Variants in MACF1 observed in about 807,000 individuals in gnomAD.
MACF1 encodes the protein microtubule actin crosslinking factor 1.
A neutral mutation model predicts 854.8 loss-of-function variants in MACF1; 193 were observed. The observed-to-expected ratio is 0.23, with a 90% confidence interval of 0.20 to 0.25. MACF1 has a LOEUF of 0.25. Among genes scored for constraint, MACF1 ranks in the 10% least tolerant of loss-of-function variants. MACF1 has a pLI of 1.00. For missense variants in MACF1, 7,722 were observed against 8,929.1 expected, an observed-to-expected ratio of 0.86 and a Z score of 5.45; for synonymous variants, 3,185 against 3,226.7, an observed-to-expected ratio of 0.99 and a Z score of 0.44.
chr1:39,449,696 C>CTTTTT (rs751635614), intron 84 of MACF1, among the ~76,000 whole-genome samples: 13 of 86,444 alleles, frequency 1.5e-4, no homozygotes, highest in African/African-American at 4.9e-4. Context: ...CCGCGCCTGG[C>CTTTTT]ATTTTTTTTT....
At chr1:39,102,260 G>A (rs1220316567) in intron 2 of MACF1, among the ~76,000 whole-genome samples, 5 of 152,168 alleles carry the variant, frequency 3.3e-5, no homozygotes. Flanking sequence ...GTTAATGAGT[G>A]CCCTATATGT....
At position 39,336,515 on chromosome 1, in the gene MACF1, A is replaced by G. The variant is rs780155739; in HGVS notation, c.9927A>G (p.Val3309=). Residue 3309 remains valine (V), a synonymous_variant, in exon 37 of 101, where the codon GTA becomes GTG. Transcript: ENST00000564288. ...TSEEKTVSLT[V]CSAVKTEKTP... is the part of the protein sequence containing the mutation. ...AAGAAAAGACAGTGTCCCTAACAGT[A>G]TGCTCTGCAGTGAAGACAGAGAAGA... 5.0e-6 allele frequency: 8 copies of G among 1,614,206 alleles called. No individual in the cohort carries two copies. The highest frequency in any genetic ancestry group is 5.9e-6 in the Non-Finnish European group (7 of 1,180,024).
chr1:39,394,157 C>T (rs887353280), intron 58 of MACF1, among the ~76,000 whole-genome samples: 4 of 152,146 alleles, frequency 2.6e-5, no homozygotes, highest in African/African-American at 9.7e-5. Context: ...GGATCAGGGT[C>T]TCAGTATACT....
chr1:39,216,109 G>A (rs1291370854), intron 1 of MACF1, among the ~76,000 whole-genome samples: 2 of 152,064 alleles, frequency 1.3e-5, no homozygotes, highest in African/African-American at 4.8e-5. Flanking sequence ...TATACAGACT[G>A]GTGCTAGACT....
At chr1:39,420,845 G>C (rs1486515549) in intron 58 of MACF1, among the ~76,000 whole-genome samples, 2 of 150,898 alleles carry the variant, frequency 1.3e-5, no homozygotes, top group African/African-American at 4.9e-5. Flanking sequence ...CTATCCCTCT[G>C]ATAACTGAGA....
At chr1:39,152,814 A>T (rs1643610123) in intron 2 of MACF1, among the ~76,000 whole-genome samples, 1 of 152,022 alleles carries the variant, frequency 6.6e-6, no homozygotes, top group African/African-American at 2.4e-5. Flanking sequence ...CAACAAAAGA[A>T]TGCTACCAGA....
intron 2 of MACF1, among the ~76,000 whole-genome samples, chr1:39,185,059 A>G (rs1644148906): frequency 6.6e-6 from 1 of 152,230 alleles, no homozygotes; most frequent in South Asian, 2.1e-4. Flanking sequence ...TGGGAGGCCG[A>G]GGCAGGTGGA....
intron 3 of MACF1, among the ~76,000 whole-genome samples, chr1:39,250,818 T>A (rs1645032505): frequency 6.6e-6 from 1 of 152,182 alleles, no homozygotes; most frequent in Non-Finnish European, 1.5e-5. Flanking sequence ...TTCTACTTGC[T>A]TTGAGGGATG....
intron 58 of MACF1, among the ~76,000 whole-genome samples, chr1:39,392,838 A>G (rs1207142415): frequency 1.3e-5 from 2 of 152,174 alleles, no homozygotes; most frequent in Admixed American, 6.5e-5. Context: ...ACCAGATTCT[A>G]TCACATGGGA....
At chr1:39,438,214 C>T (rs1039811668) in intron 71 of MACF1, among the ~76,000 whole-genome samples, 1 of 152,126 alleles carries the variant, frequency 6.6e-6, no homozygotes, top group Non-Finnish European at 1.5e-5. Context: ...AGTTAGATTC[C>T]CAGGCCAGGA....
chr1:39,234,113 C>T (rs1371812301), intron 2 of MACF1, among the ~76,000 whole-genome samples: 5 of 149,106 alleles, frequency 3.4e-5, no homozygotes, highest in Non-Finnish European at 7.5e-5. Context: ...GGGGTAAGGT[C>T]ACAGATCAAC....
At chr1:39,242,407 T>C (rs1644935196) in intron 2 of MACF1, among the ~76,000 whole-genome samples, 1 of 150,366 alleles carries the variant, frequency 6.7e-6, no homozygotes, top group Non-Finnish European at 1.5e-5. Context: ...GCTTGGGCAC[T>C]GGGGAGGATT....
intron 54 of MACF1, 87 bp from the exon 55 acceptor site, chr1:39,380,157 T>A (rs976841986): frequency 1.5e-6 from 2 of 1,377,498 alleles, no homozygotes; most frequent in Non-Finnish European, 1.0e-6. Context: ...CTATAATAAC[T>A]GCCCAGTTTT....
chr1:39,267,513 C>T lies in MACF1; in HGVS notation c.528+9485C>T, dbSNP rs1351523758. 3.3e-5 allele frequency among the ~76,000 whole-genome samples: 5 copies of T among 152,282 alleles called. No individual in the cohort carries two copies. The East Asian group carries it at 9.6e-4, about 29-fold the overall frequency. On this transcript the variant is annotated intron_variant, in intron 6 of 100. Coordinates refer to ENST00000564288, the MANE Select transcript of MACF1 (RefSeq NM_001394062.1). Reference sequence around the variant, plus strand: ...TCTAGAGTACTAGGATTATAATAGGCGTGAGCCACTGCGCCTGGCCAAACC... The same window carrying T: ...TCTAGAGTACTAGGATTATAATAGGTGTGAGCCACTGCGCCTGGCCAAACC...
In MACF1 at chr1:39,189,219, T is replaced by C. The variant is rs190328253; in HGVS notation, c.221-41963T>C. ...TCTGAGCCTTTCTGGGATTCTGCAG[T>C]ACAATTTACCTTGTTTCTTATTGTT... is the stretch of plus-strand genomic sequence containing the variant. On this transcript the variant is annotated intron_variant, in intron 2 of 93. Coordinates refer to the MACF1 transcript ENST00000361689. Among the ~76,000 whole-genome samples the C allele has an allele frequency of 2.0e-3, 304 of 152,356 alleles. 2 individuals are homozygous for C. The highest frequency in any genetic ancestry group is 7.1e-3 in the African/African-American group (294 of 41,586).
At chr1:39,274,658 T>C (rs1032588011) in intron 6 of MACF1, among the ~76,000 whole-genome samples, 3 of 152,196 alleles carry the variant, frequency 2.0e-5, no homozygotes, top group African/African-American at 7.2e-5. Flanking sequence ...CAATTCTCCA[T>C]GGATGACTAC....
chr1:39,350,838 G>T lies in MACF1; in HGVS notation c.11019G>T (p.Lys3673Asn). The T allele has an allele frequency of 6.2e-7, 1 of 1,614,016 alleles. No homozygotes were observed. The part of the protein sequence containing the change: ...NRATSFATVV[K>N]DIEGFMEENQ... Reference sequence around the variant, plus strand: ...CCACCTCATTTGCCACTGTTGTCAAGGACATTGAGGGGTTCATGGAAGAGA... The same window carrying T: ...CCACCTCATTTGCCACTGTTGTCAATGACATTGAGGGGTTCATGGAAGAGA... Residue 3673 changes from lysine to asparagine, a missense_variant, in exon 43 of 101, where the codon AAG (lysine) becomes AAT (asparagine). Lys to Asn is a moderately conservative substitution (Grantham distance 94). This residue lies in a region of MACF1 where 2,807 missense variants were observed against 3,235.8 expected (regional missense o/e 0.87). Coordinates refer to ENST00000564288, the MANE Select transcript of MACF1 (RefSeq NM_001394062.1).
chr1:39,279,190 A>G lies in MACF1; in HGVS notation c.529-3018A>G, dbSNP rs79333101. ...CTGTAGAAATGTACCTGTCAAGGGC[A>G]TAAGATCCTATGTCCCTTGAATCTG... On this transcript the variant is annotated intron_variant, in intron 6 of 100. Coordinates refer to ENST00000564288, the MANE Select transcript of MACF1 (RefSeq NM_001394062.1). 1.2e-3 allele frequency among the ~76,000 whole-genome samples: 185 copies of G among 152,296 alleles called. 1 individual carries two copies. Among genetic ancestry groups the G allele is most frequent in the African/African-American group, 3.9e-3 (163 of 41,560 alleles).
In MACF1 at chr1:39,317,406, C is replaced by T. The variant is rs770671691; in HGVS notation, c.3781C>T (p.Arg1261Cys). The T allele has an allele frequency of 5.6e-6, 9 of 1,612,004 alleles. No homozygotes were observed. The highest frequency in any genetic ancestry group is 2.7e-5 in the African/African-American group (2 of 74,876). ...CCGAGTCATTGCCCAGCTCGAGATT[C>T]GGTGAGTGGTGGCCCCACCTTTTTC... ...WHRVIAQLEI[R>C]QSELESIQEV... Residue 1261 changes from arginine to cysteine, a missense_variant and splice_region_variant, in exon 29 of 101, where the codon CGC (arginine) becomes TGC (cysteine). By Grantham distance (180) the Arg-to-Cys change is radical. This residue lies in a region of MACF1 where 1,137 missense variants were observed against 1,263.0 expected (regional missense o/e 0.90). Transcript: ENST00000564288.
Sources: gnomAD v4.1 joint callset for allele counts (sites outside exome capture counted in the v4.1 genomes callset) on GRCh38, gnomAD v4.1.1 for gene constraint, gnomAD v4.1.1 regional missense constraint, MANE v1.5 for transcripts, NCBI Gene and HGNC (gene_info 2026-07-23, HGNC 2026-07-21) for gene names.